ZFYVE27: variants seen among roughly 807,000 people sequenced by gnomAD.
The protein encoded by ZFYVE27 is zinc finger FYVE-type containing 27.
Under a neutral mutation model 52.8 loss-of-function variants are expected in ZFYVE27, and 36 were observed. The ratio of observed to expected loss-of-function variants is 0.68; its 90% CI spans 0.52 to 0.90. The LOEUF (loss-of-function observed/expected upper bound fraction) is 0.90. Ranked by LOEUF, ZFYVE27 falls within the 40% of genes least tolerant of loss-of-function variation. The pLI is 0.00. For synonymous variants in ZFYVE27, 223 were observed against 215.6 expected (o/e 1.03, Z -0.30); for missense variants, 450 against 527.2 (o/e 0.85, Z 1.43).
At chr10:97,744,638 G>C (rs1431806763) in intron 3 of ZFYVE27, 91 bp from the exon 4 acceptor site, 1 of 1,480,664 alleles carries the variant, frequency 6.8e-7, no homozygotes, top group African/African-American at 1.4e-5. Flanking sequence ...CAGAGCCCTG[G>C]AGGAGGTGAG....
At chr10:97,742,143 A>G (rs1030871892) in intron 2 of ZFYVE27, among the ~76,000 whole-genome samples, 1 of 152,122 alleles carries the variant, frequency 6.6e-6, no homozygotes, top group Non-Finnish European at 1.5e-5. Context: ...AGAAAAAAAA[A>G]AAAAAAAAGA....
At position 97,757,661 on chromosome 10, in the gene ZFYVE27, G is replaced by A; in HGVS notation, c.1109G>A (p.Gly370Glu). 6.2e-7 allele frequency: 1 copy of A among 1,614,232 alleles called. No homozygotes were observed. Among genetic ancestry groups the A allele is most frequent in the Non-Finnish European group, 8.5e-7 (1 of 1,180,034 alleles). ...CTGCAGCGGAGCTGCAGTAATTGTG[G>A]AAACAGCTTCTGCTCTCGATGCTGC... Reference protein sequence around the residue: ...LKKRRSCSNCGNSFCSRCCSF... With the variant: ...LKKRRSCSNCENSFCSRCCSF... The change falls in exon 12 of 13, where the codon GGA (glycine) becomes GAA (glutamate). Residue 370 changes from glycine to glutamate, a missense_variant. Physicochemically the swap from Gly to Glu is moderately conservative, Grantham distance 98. Transcript: ENST00000684270.
Position 97,749,653 on chromosome 10 carries a change from T to C in ZFYVE27, c.664+67T>C, listed in dbSNP as rs2046396069. 4 of 1,271,078 alleles carry C rather than the reference T, an allele frequency of 3.1e-6. No homozygotes were observed. In the Admixed American group the frequency reaches 5.0e-5, roughly 16 times the overall value. The allele number at this position is 1,271,078 out of a possible 1,614,324, so 78.7% of individuals were successfully genotyped here. A position where few individuals can be genotyped will look rare whatever the true frequency, so the allele number is the denominator to read the frequency against. ...CTGAGGGCTAGGCTAGGCTCCCCAG[T>C]TCTTCTGTCTCTACAGCTAATCATC... On this transcript the variant is annotated intron_variant, in intron 6 of 12. Transcript: ENST00000684270.
chr10:97,760,886 C>T lies in ZFYVE27; in HGVS notation c.*1586C>T, dbSNP rs979850427. ...TATGGAGAATTGTCAATAAAAAGGC[C>T]TCAAGCTTCTTGTTTTTGTCATGTC... On this transcript the variant is annotated 3_prime_UTR_variant, in exon 13 of 13. Coordinates refer to ENST00000684270, the MANE Select transcript of ZFYVE27 (RefSeq NM_001385875.1). 2 of 152,304 alleles carry T rather than the reference C, an allele frequency of 1.3e-5. No homozygotes were observed. The highest frequency in any genetic ancestry group is 4.8e-5 in the African/African-American group (2 of 41,474). 9.4% of individuals were successfully genotyped at this position (152,304 alleles called of 1,614,324 possible). A position where few individuals can be genotyped will look rare whatever the true frequency, so the allele number is the denominator to read the frequency against.
intron 10 of ZFYVE27, among the ~76,000 whole-genome samples, chr10:97,755,939 G>A (rs1432231896): frequency 6.6e-6 from 1 of 152,190 alleles, no homozygotes; most frequent in Non-Finnish European, 1.5e-5. Flanking sequence ...GGTGTTGGAA[G>A]GGAACGTCAC....
chr10:97,750,516 C>T (rs2046646613), intron 7 of ZFYVE27, 46 bp downstream of exon 7: 2 of 1,610,296 alleles, frequency 1.2e-6, no homozygotes, highest in Non-Finnish European at 1.7e-6. Context: ...CGCTTGTGGG[C>T]CCCCCTGTTA....
At chr10:97,744,344 C>T (rs1004023839) in intron 3 of ZFYVE27, among the ~76,000 whole-genome samples, 5 of 152,170 alleles carry the variant, frequency 3.3e-5, no homozygotes, top group Non-Finnish European at 7.4e-5. Context: ...CCCAGAGGTC[C>T]GAGTGTCAGG....
chr10:97,750,523 G>A, intron 7 of ZFYVE27, 53 bp downstream of exon 7: 2 of 1,609,718 alleles, frequency 1.2e-6, no homozygotes, highest in Admixed American at 1.7e-5. Context: ...GGGCCCCCCT[G>A]TTATCAGCTT....
rs1445420570 is a variant in ZFYVE27, at chr10:97,760,015, C to T, written c.*715C>T. ...GACCTCGGCCTCCCCTCGAAGACACCTCAATTCACAGACTCTCAGCCCACA... is the reference window on the plus strand; with the variant it reads ...GACCTCGGCCTCCCCTCGAAGACACTTCAATTCACAGACTCTCAGCCCACA... On this transcript the variant is annotated 3_prime_UTR_variant, in exon 13 of 13. Coordinates refer to ENST00000684270, the MANE Select transcript of ZFYVE27 (RefSeq NM_001385875.1). 1 of 154,306 alleles carries T rather than the reference C, an allele frequency of 6.5e-6. No homozygotes were observed. The highest frequency in any genetic ancestry group is 1.4e-5 in the Non-Finnish European group (1 of 69,340). 9.6% of individuals were successfully genotyped at this position (154,306 alleles called of 1,614,324 possible).
Position 97,750,362 on chromosome 10 carries a change from G to C in ZFYVE27, c.696G>C (p.Gln232His). The change falls in exon 7 of 13, where the codon CAG becomes CAC. Residue 232 changes from glutamine (Q) to histidine (H), a missense_variant. Transcript: ENST00000684270. ...CTGAGTACAGGGCATCTCTGCAGCA[G>C]AGGATGAACCCAAAGCAGGAAGAGC... Reference protein sequence around the residue: ...VVSEYRASLQQRMNPKQEEHA... With the variant: ...VVSEYRASLQHRMNPKQEEHA... 1.2e-6 allele frequency: 2 copies of C among 1,614,188 alleles called. No homozygotes were observed. Among genetic ancestry groups the C allele is most frequent in the Non-Finnish European group, 1.7e-6 (2 of 1,180,052 alleles).
intron 2 of ZFYVE27, among the ~76,000 whole-genome samples, chr10:97,739,806 G>A (rs1341243653): frequency 2.0e-5 from 3 of 151,936 alleles, no homozygotes; most frequent in Non-Finnish European, 2.9e-5. Flanking sequence ...ATTTACTACC[G>A]AGATTTGTCT....
intron 8 of ZFYVE27, 42 bp downstream of exon 8, chr10:97,751,504 A>G: frequency 6.2e-7 from 1 of 1,600,380 alleles, no homozygotes; most frequent in Non-Finnish European, 8.6e-7. Flanking sequence ...AGCAGGCCAG[A>G]AATTGGGTGG....
chr10:97,749,603 C>CTCA lies in ZFYVE27; in HGVS notation c.664+18_664+19insCAT, dbSNP rs767813820. 7 of 1,605,320 alleles carry CTCA rather than the reference C, an allele frequency of 4.4e-6. No individual in the cohort carries two copies. In the South Asian group the frequency reaches 5.5e-5, roughly 13 times the overall value. Reference sequence around the variant, plus strand: ...TCTTCCGAGGTAAGCCCTGAAGGGCCTGAAAGATGGGGCCCAAGCTGGCTC... The same window carrying CTCA: ...TCTTCCGAGGTAAGCCCTGAAGGGCCTCATGAAAGATGGGGCCCAAGCTGGCTC... On this transcript the variant is annotated intron_variant, in intron 6 of 12. Transcript: ENST00000684270.
chr10:97,744,495 G>A (rs1222663928), intron 3 of ZFYVE27, among the ~76,000 whole-genome samples: 1 of 152,250 alleles, frequency 6.6e-6, no homozygotes, highest in Non-Finnish European at 1.5e-5. Flanking sequence ...TACTTCATTA[G>A]AGGAGACAAC....
chr10:97,737,829 A>C (rs2042512444), intron 1 of ZFYVE27, among the ~76,000 whole-genome samples: 1 of 152,228 alleles, frequency 6.6e-6, no homozygotes, highest in African/African-American at 2.4e-5. Flanking sequence ...TGGCCCAGGA[A>C]GTTGTTGGGA....
rs199885685 is a variant in ZFYVE27, at chr10:97,758,804, CAG to C, written c.1172-429_1172-428del. 4.7e-3 allele frequency among the ~76,000 whole-genome samples: 711 copies of C among 152,028 alleles called. 25 individuals are homozygous for C. Among genetic ancestry groups the C allele is most frequent in the East Asian group, 0.04 (208 of 5,138 alleles). ...TTTTACTTATTCTGTTTTTTTGAGA[CAG>C]AGTCTCGCTCTGTCGCCCAGCCTGG... On this transcript the variant is annotated intron_variant, in intron 12 of 12. Coordinates refer to ENST00000684270, the MANE Select transcript of ZFYVE27 (RefSeq NM_001385875.1).
intron 2 of ZFYVE27, among the ~76,000 whole-genome samples, chr10:97,740,088 G>GT (rs1268079927): frequency 6.6e-6 from 1 of 152,126 alleles, no homozygotes; most frequent in East Asian, 1.9e-4. Context: ...AAAGCTTCTG[G>GT]TTTTCATCAG....
At chr10:97,748,654 G>A (rs1803967865) in intron 5 of ZFYVE27, among the ~76,000 whole-genome samples, 1 of 152,160 alleles carries the variant, frequency 6.6e-6, no homozygotes, top group Non-Finnish European at 1.5e-5. Flanking sequence ...TTTGTCACAT[G>A]CATCTACTTT....
chr10:97,756,675 T>G (rs2048418985), intron 10 of ZFYVE27, among the ~76,000 whole-genome samples: 1 of 152,240 alleles, frequency 6.6e-6, no homozygotes, highest in African/African-American at 2.4e-5. Flanking sequence ...CTCCCTGCTC[T>G]GCGTCCCCCC....
Sources: gnomAD v4.1 joint callset for allele counts (sites outside exome capture counted in the v4.1 genomes callset) on GRCh38, gnomAD v4.1.1 for gene constraint, MANE v1.5 for transcripts, NCBI Gene and HGNC (gene_info 2026-07-23, HGNC 2026-07-21) for gene names.